The following ZBTB7C variants were observed in gnomAD, a reference collection of about 807,000 sequenced individuals.
ZBTB7C encodes the protein zinc finger and BTB domain containing 7C.
Under a neutral mutation model 25.7 loss-of-function variants are expected in ZBTB7C, and 8 were observed. That is an observed-to-expected ratio of 0.31 (90% confidence interval 0.18 to 0.56). ZBTB7C has a LOEUF of 0.56. Among genes scored for constraint, ZBTB7C ranks in the 20% least tolerant of loss-of-function variants. ZBTB7C has a pLI of 0.91. For synonymous variants in ZBTB7C, 394 were observed against 369.0 expected, an observed-to-expected ratio of 1.07 and a Z score of -0.78; for missense variants, 824 against 855.2, an observed-to-expected ratio of 0.96 and a Z score of 0.46.
intron 3 of ZBTB7C, among the ~76,000 whole-genome samples, chr18:48,175,905 A>T (rs1181306262): frequency 6.6e-6 from 1 of 152,246 alleles, no homozygotes; most frequent in East Asian, 1.9e-4. Flanking sequence ...ATTGGCAAGA[A>T]TGGAGGCAGT....
chr18:48,396,784 A>G (rs925903104), intron 1 of ZBTB7C, among the ~76,000 whole-genome samples: 1 of 152,232 alleles, frequency 6.6e-6, no homozygotes, highest in Non-Finnish European at 1.5e-5. Flanking sequence ...AGTGAATATA[A>G]TACAAGAAGA....
At chr18:48,167,990 G>A (rs1394028221) in intron 3 of ZBTB7C, among the ~76,000 whole-genome samples, 3 of 152,202 alleles carry the variant, frequency 2.0e-5, no homozygotes, top group Non-Finnish European at 4.4e-5. Flanking sequence ...AGAGAAGGGA[G>A]GGGAAAGGAC....
intron 3 of ZBTB7C, among the ~76,000 whole-genome samples, chr18:48,122,908 C>T (rs1264155425): frequency 2.0e-5 from 3 of 152,138 alleles, no homozygotes; most frequent in East Asian, 1.9e-4. Context: ...GCACTCTAAC[C>T]GCCCCCCACT....
chr18:48,203,618 A>G (rs869998), intron 2 of ZBTB7C: 22,572 of 152,128 alleles, frequency 0.15, 1,832 homozygotes, highest in Non-Finnish European at 0.19. Context: ...TCAGGGCTAA[A>G]TCTTTTGGTG....
intron 3 of ZBTB7C, among the ~76,000 whole-genome samples, chr18:48,073,024 A>AG (rs1396162176): frequency 6.6e-6 from 1 of 152,242 alleles, no homozygotes; most frequent in Non-Finnish European, 1.5e-5. Context: ...CCTATTTAAC[A>AG]GCACATGCTG....
chr18:48,262,153 C>A (rs2044189578), intron 2 of ZBTB7C, among the ~76,000 whole-genome samples: 1 of 152,170 alleles, frequency 6.6e-6, no homozygotes, highest in Non-Finnish European at 1.5e-5. Context: ...TCTCATTGTA[C>A]AGCTGGGGAA....
chr18:48,321,793 G>A (rs895952742), intron 2 of ZBTB7C, among the ~76,000 whole-genome samples: 6 of 152,258 alleles, frequency 3.9e-5, no homozygotes, highest in Middle Eastern at 3.4e-3. Context: ...TGCAGGCTGC[G>A]TGCCGATCCG....
chr18:48,366,859 A>G (rs1184433997), intron 1 of ZBTB7C, among the ~76,000 whole-genome samples: 1 of 152,128 alleles, frequency 6.6e-6, no homozygotes, highest in East Asian at 1.9e-4. Context: ...ACTACCATAT[A>G]TGTGAAAGGG....
chr18:48,272,149 G>A lies in ZBTB7C; in HGVS notation c.-79+66025C>T, dbSNP rs537942604. Among the ~76,000 whole-genome samples the A allele has an allele frequency of 5.3e-5, 8 of 152,330 alleles. No homozygotes were observed. In the South Asian group the frequency reaches 1.7e-3, roughly 32 times the overall value. On this transcript the variant is annotated intron_variant, in intron 2 of 4. Transcript: ENST00000590800. ...ACTTCTGGGTGTGTCATGTGTGTCT[G>A]TAAGGATGCTTCCAGATGAGATTAA...
intron 2 of ZBTB7C, among the ~76,000 whole-genome samples, chr18:48,273,884 T>A (rs2044562516): frequency 6.6e-6 from 1 of 151,870 alleles, no homozygotes; most frequent in Admixed American, 6.6e-5. Context: ...TTTTCCTTTT[T>A]AAAAAAAACA....
At chr18:48,031,010 T>C (rs778290044) in intron 4 of ZBTB7C, among the ~76,000 whole-genome samples, 4 of 152,218 alleles carry the variant, frequency 2.6e-5, no homozygotes, top group Non-Finnish European at 4.4e-5. Flanking sequence ...AGTCTCCTAC[T>C]TCCTCCCTGC....
intron 1 of ZBTB7C, among the ~76,000 whole-genome samples, chr18:48,356,243 C>G (rs931766900): frequency 1.3e-5 from 2 of 152,178 alleles, no homozygotes; most frequent in Non-Finnish European, 2.9e-5. Flanking sequence ...ATTTCTCAGG[C>G]ATCTCCAAGT....
intron 2 of ZBTB7C, among the ~76,000 whole-genome samples, chr18:48,322,773 T>C (rs2144863066): frequency 6.6e-6 from 1 of 152,224 alleles, no homozygotes; most frequent in African/African-American, 2.4e-5. Context: ...CAATTCGCAA[T>C]TGCAAAAATG....
At chr18:48,339,361 T>C (rs1026803658) in intron 1 of ZBTB7C, among the ~76,000 whole-genome samples, 3 of 152,168 alleles carry the variant, frequency 2.0e-5, no homozygotes, top group Non-Finnish European at 4.4e-5. Context: ...CACCCAGCAT[T>C]GCAGACAAGG....
chr18:48,307,247 G>A (rs1335873790), intron 2 of ZBTB7C, among the ~76,000 whole-genome samples: 2 of 152,184 alleles, frequency 1.3e-5, no homozygotes, highest in Non-Finnish European at 2.9e-5. Flanking sequence ...TCCAGGCTCC[G>A]TGTTCTACGA....
chr18:48,080,218 C>A (rs184945141), intron 3 of ZBTB7C, among the ~76,000 whole-genome samples: 7 of 152,228 alleles, frequency 4.6e-5, no homozygotes, highest in African/African-American at 1.4e-4. Flanking sequence ...CAGCCCACAC[C>A]GTCCTGATTC....
At chr18:48,357,079 C>A (rs980713239) in intron 1 of ZBTB7C, among the ~76,000 whole-genome samples, 6 of 152,332 alleles carry the variant, frequency 3.9e-5, no homozygotes, top group African/African-American at 1.2e-4. Context: ...TCCCCTGAGG[C>A]AGCCTGCATT....
intron 1 of ZBTB7C, among the ~76,000 whole-genome samples, chr18:48,390,809 G>T (rs2047883556): frequency 6.6e-6 from 1 of 152,196 alleles, no homozygotes; most frequent in South Asian, 2.1e-4. Context: ...TAAGAGCCTG[G>T]TCCCCGTGGC....
chr18:48,130,911 T>G (rs185668290), intron 3 of ZBTB7C, among the ~76,000 whole-genome samples: 3 of 152,336 alleles, frequency 2.0e-5, no homozygotes, highest in Admixed American at 2.0e-4. Context: ...ATTTTTATTT[T>G]TTACTTTTTT....
Sources: gnomAD v4.1 joint callset for allele counts (sites outside exome capture counted in the v4.1 genomes callset) on GRCh38, gnomAD v4.1.1 for gene constraint, MANE v1.5 for transcripts, NCBI Gene and HGNC (gene_info 2026-07-23, HGNC 2026-07-21) for gene names.